Variants in KLF9 observed in about 807,000 individuals in gnomAD.
KLF9 encodes Krueppel-like factor 9.
Under a neutral mutation model 17.3 loss-of-function variants are expected in KLF9, and 2 were observed. The observed-to-expected ratio is 0.12, with a 90% confidence interval of 0.05 to 0.36. The LOEUF (loss-of-function observed/expected upper bound fraction) is 0.36, where lower values mean the gene tolerates loss of function less well. KLF9 is among the 10% of genes least tolerant of loss of function. The probability of loss-of-function intolerance (pLI) is 1.00; values close to 1 mark genes in which losing one functional copy is unlikely to be tolerated. For missense variants in KLF9, 226 were observed against 333.2 expected (o/e 0.68, Z 2.51); for synonymous variants, 138 against 139.2 (o/e 0.99, Z 0.06).
intron 1 of KLF9, among the ~76,000 whole-genome samples, chr9:70,407,826 C>T (rs1463220455): frequency 6.6e-6 from 1 of 152,116 alleles, no homozygotes; most frequent in African/African-American, 2.4e-5. Context: ...TATAGCAAAC[C>T]CTTGCAGCCT....
At chr9:70,402,796 G>A (rs1196717097) in intron 1 of KLF9, among the ~76,000 whole-genome samples, 1 of 152,060 alleles carries the variant, frequency 6.6e-6, no homozygotes, top group African/African-American at 2.4e-5. Context: ...AAAAAATATC[G>A]TACTGTTTGC....
intron 1 of KLF9, among the ~76,000 whole-genome samples, chr9:70,408,132 G>T (rs1190127107): frequency 6.6e-6 from 1 of 152,166 alleles, no homozygotes; most frequent in African/African-American, 2.4e-5. Context: ...CCAGAACTTT[G>T]TGAGGCCGAG....
At chr9:70,412,034 C>T (rs988950593) in intron 1 of KLF9, among the ~76,000 whole-genome samples, 3 of 151,948 alleles carry the variant, frequency 2.0e-5, no homozygotes, top group African/African-American at 7.3e-5. Context: ...TTCATTTGTA[C>T]GGCCATGCCT....
intron 1 of KLF9, among the ~76,000 whole-genome samples, chr9:70,396,667 T>C (rs2037183527): frequency 6.6e-6 from 1 of 152,064 alleles, no homozygotes; most frequent in Non-Finnish European, 1.5e-5. Flanking sequence ...AAAGAATATA[T>C]ACAAAATTTG....
chr9:70,413,486 G>C lies in KLF9; in HGVS notation c.-123C>G. ...CGGCGCGGCACGGCGCGGCGGCCAA[G>C]GGGGCGGGGGCGCGGGGCGCTTCCG... On this transcript the variant is annotated 5_prime_UTR_variant, in exon 1 of 2. Coordinates refer to ENST00000377126, the MANE Select transcript of KLF9 (RefSeq NM_001206.4). This position sits in a 1 kb window ranked among gnomAD's most constrained non-coding sequence, Gnocchi z 5.6. The C allele has an allele frequency of 9.4e-7, 1 of 1,060,562 alleles. No individual in the cohort carries two copies. The highest frequency in any genetic ancestry group is 1.2e-6 in the Non-Finnish European group (1 of 842,428). 65.7% of individuals were successfully genotyped at this position (1,060,562 alleles called of 1,614,324 possible). A position where few individuals can be genotyped will look rare whatever the true frequency, so the allele number is the denominator to read the frequency against.
At chr9:70,406,500 T>C (rs1201709916) in intron 1 of KLF9, among the ~76,000 whole-genome samples, 2 of 152,214 alleles carry the variant, frequency 1.3e-5, no homozygotes, top group Non-Finnish European at 2.9e-5. Context: ...ATTCTTTTGA[T>C]ACTAACAACT....
chr9:70,413,231 T>C lies in KLF9; in HGVS notation c.133A>G (p.Lys45Glu). The change falls in exon 1 of 2, where the codon AAG becomes GAG. Residue 45 changes from lysine to glutamate, a missense_variant. Transcript: ENST00000377126. The surrounding 1 kb of genome is among the most constrained non-coding windows in gnomAD (Gnocchi z 5.6). ...GTGTCCCCCGGGTCACCGTGCTCCT[T>C]GGTCACCTCGCGCTCAGGTAGTCGC... ...RLRLPEREVTKEHGDPGDTWK... is the reference protein window; with the variant it reads ...RLRLPEREVTEEHGDPGDTWK... The C allele has an allele frequency of 6.2e-7, 1 of 1,613,978 alleles. No individual in the cohort carries two copies. Among genetic ancestry groups the C allele is most frequent in the Non-Finnish European group, 8.5e-7 (1 of 1,180,020 alleles).
At chr9:70,403,345 T>C (rs1045335270) in intron 1 of KLF9, among the ~76,000 whole-genome samples, 2 of 152,082 alleles carry the variant, frequency 1.3e-5, no homozygotes, top group Admixed American at 6.6e-5. Flanking sequence ...GACCCAGAGA[T>C]TGGATGTGAC....
chr9:70,405,595 C>A lies in KLF9; in HGVS notation c.505+7264G>T, dbSNP rs2037250206. On this transcript the variant is annotated intron_variant, in intron 1 of 1. Transcript: ENST00000377126. Reference sequence around the variant, plus strand: ...AAACTGGTTCTCTCAGCTCTAGAACCTTTAGATTTCAGATCCAGGTTCTTC... The same window carrying A: ...AAACTGGTTCTCTCAGCTCTAGAACATTTAGATTTCAGATCCAGGTTCTTC... Among the ~76,000 whole-genome samples the A allele has an allele frequency of 2.0e-5, 3 of 152,166 alleles. No individual in the cohort carries two copies. The South Asian group carries it at 6.2e-4, about 32-fold the overall frequency.
At chr9:70,407,527 C>T (rs1432758415) in intron 1 of KLF9, among the ~76,000 whole-genome samples, 2 of 152,210 alleles carry the variant, frequency 1.3e-5, no homozygotes, top group Non-Finnish European at 1.5e-5. Flanking sequence ...TGTTTTCTAT[C>T]GTGAAACTGT....
At chr9:70,393,540 T>A (rs1349943214) in intron 1 of KLF9, among the ~76,000 whole-genome samples, 4 of 152,156 alleles carry the variant, frequency 2.6e-5, no homozygotes, top group African/African-American at 7.2e-5. Context: ...ACCTGGTTCT[T>A]CTCATCTTCC....
chr9:70,400,959 A>C (rs2037216768), intron 1 of KLF9, among the ~76,000 whole-genome samples: 1 of 151,996 alleles, frequency 6.6e-6, no homozygotes, highest in Non-Finnish European at 1.5e-5. Context: ...ATCTCAGAAA[A>C]GGAATATAGT....
chr9:70,390,439 G>C (rs529367133), intron 1 of KLF9, among the ~76,000 whole-genome samples: 3 of 152,072 alleles, frequency 2.0e-5, no homozygotes, highest in Non-Finnish European at 2.9e-5. Flanking sequence ...TAAAGACATG[G>C]AGTTGAAAAC....
chr9:70,406,101 G>T (rs956691687), intron 1 of KLF9, among the ~76,000 whole-genome samples: 3 of 152,148 alleles, frequency 2.0e-5, no homozygotes, highest in Admixed American at 6.5e-5. Flanking sequence ...ACCATAGACT[G>T]AAGTCCCAGG....
Position 70,412,989 on chromosome 9 carries a change from G to C in KLF9, c.375C>G (p.Ser125=), listed in dbSNP as rs546443212. The part of the protein sequence containing the change: ...QDPGSAPSPL[S]LLHPGVAAKG... ...TCGCAGCCACTCCAGGATGGAGGAG[G>C]GAGAGCGGGCTGGGCGCGCTGCCAG... The change falls in exon 1 of 2, where the codon TCC becomes TCG. Residue 125 remains serine (S), a synonymous_variant. Coordinates refer to ENST00000377126, the MANE Select transcript of KLF9 (RefSeq NM_001206.4). 69 of 1,614,194 alleles carry C rather than the reference G, an allele frequency of 4.3e-5. No individual in the cohort carries two copies. Among genetic ancestry groups the C allele is most frequent in the Non-Finnish European group, 5.1e-5 (60 of 1,180,046 alleles).
rs766581282 is a variant in KLF9, at chr9:70,413,286, C to T, written c.78G>A (p.Glu26=). Residue 26 remains glutamate (E), a synonymous_variant, in exon 1 of 2, where the codon GAG becomes GAA. Coordinates refer to ENST00000377126, the MANE Select transcript of KLF9 (RefSeq NM_001206.4). This position sits in a 1 kb window ranked among gnomAD's most constrained non-coding sequence, Gnocchi z 5.6. ...GCTCGGCGTCCGGAGCGACCCCATG[C>T]TCCGGCACCGCAGCGCGGTTCGAAA... ...VSISNRAAVP[E]HGVAPDAERL... The T allele has an allele frequency of 6.2e-7, 1 of 1,612,172 alleles. No individual in the cohort carries two copies. Among genetic ancestry groups the T allele is most frequent in the Non-Finnish European group, 8.5e-7 (1 of 1,179,524 alleles).
intron 1 of KLF9, among the ~76,000 whole-genome samples, chr9:70,390,402 A>G (rs911356548): frequency 4.6e-5 from 7 of 152,200 alleles, no homozygotes; most frequent in Admixed American, 4.6e-4. Context: ...AGAGGAAAAA[A>G]AAAAGAGTTT....
intron 1 of KLF9, among the ~76,000 whole-genome samples, chr9:70,405,374 CTTACT>C (rs1274789750): frequency 1.3e-5 from 2 of 152,306 alleles, no homozygotes; most frequent in South Asian, 2.1e-4. Flanking sequence ...GCTCCCGTCT[CTTACT>C]TTAATCTATT....
rs1299950895 is a variant in KLF9, at chr9:70,386,330, T to C, written c.*1446A>G. On this transcript the variant is annotated 3_prime_UTR_variant, in exon 2 of 2. Transcript: ENST00000377126. The stretch of plus-strand genomic sequence containing the variant: ...ATGGATGTAGTGGTTTCAGCCATTA[T>C]AGACACCTAGATACAAGATATATTA... 6.5e-6 allele frequency: 1 copy of C among 152,678 alleles called. No individual in the cohort carries two copies. Among genetic ancestry groups the C allele is most frequent in the Admixed American group, 6.5e-5 (1 of 15,278 alleles). 9.5% of individuals were successfully genotyped at this position (152,678 alleles called of 1,614,324 possible).
Sources: gnomAD v4.1 joint callset for allele counts (sites outside exome capture counted in the v4.1 genomes callset) on GRCh38, gnomAD v4.1.1 for gene constraint, Gnocchi (gnomAD v3.1) non-coding constraint, MANE v1.5 for transcripts, NCBI Gene and HGNC (gene_info 2026-07-23, HGNC 2026-07-21) for gene names.